HLF: variants seen among roughly 807,000 people sequenced by gnomAD.
HLF encodes the protein hepatic leukemia factor.
Under a neutral mutation model 22.6 loss-of-function variants are expected in HLF, and 3 were observed. That is an observed-to-expected ratio of 0.13 (90% CI 0.06 to 0.34). HLF has a LOEUF of 0.34. Among genes scored for constraint, HLF ranks in the 10% least tolerant of loss-of-function variants. The pLI is 1.00. For synonymous variants in HLF, 151 were observed against 151.8 expected, an observed-to-expected ratio of 0.99 and a Z score of 0.04; for missense variants, 299 against 389.2, an observed-to-expected ratio of 0.77 and a Z score of 1.95.
chr17:55,291,728 T>C (rs1483084660), intron 2 of HLF, among the ~76,000 whole-genome samples: 2 of 152,256 alleles, frequency 1.3e-5, no homozygotes, highest in African/African-American at 4.8e-5. Flanking sequence ...CTGCCATTGA[T>C]AGTGATTCCT....
intron 2 of HLF, among the ~76,000 whole-genome samples, chr17:55,292,572 T>G (rs1441836262): frequency 6.6e-6 from 1 of 152,218 alleles, no homozygotes; most frequent in African/African-American, 2.4e-5. Flanking sequence ...TGATGTGACT[T>G]GCTTTATTGG....
Position 55,267,788 on chromosome 17 carries a change from T to C in HLF, c.153T>C (p.Asp51=), listed in dbSNP as rs1321023256. ...SKDKDKEKKL[D]DESNSPTVPQ... is the part of the protein sequence containing the mutation. ...ATAAAGACAAGGAAAAGAAGCTGGATGATGAGAGTAACAGCCCGACGGTCC... is the reference window on the plus strand; with the variant it reads ...ATAAAGACAAGGAAAAGAAGCTGGACGATGAGAGTAACAGCCCGACGGTCC... Residue 51 remains aspartate, a synonymous_variant, in exon 2 of 4, where the codon GAT becomes GAC. Coordinates refer to ENST00000226067, the MANE Select transcript of HLF (RefSeq NM_002126.5). 3 of 1,599,042 alleles carry C rather than the reference T, an allele frequency of 1.9e-6. No individual in the cohort carries two copies. Among genetic ancestry groups the C allele is most frequent in the Admixed American group, 3.4e-5 (2 of 59,538 alleles).
At chr17:55,313,355 T>TGC (rs1904923515) in intron 2 of HLF, among the ~76,000 whole-genome samples, 1 of 128,426 alleles carries the variant, frequency 7.8e-6, no homozygotes, top group African/African-American at 2.8e-5. Context: ...GGAGGAGGTG[T>TGC]GTGCGTGTGT....
chr17:55,311,187 A>G (rs562043306), intron 2 of HLF, among the ~76,000 whole-genome samples: 20 of 152,314 alleles, frequency 1.3e-4, no homozygotes, highest in African/African-American at 4.8e-4. Flanking sequence ...AAAAAGAACA[A>G]ATAACCAATA....
Position 55,302,882 on chromosome 17 carries a change from G to A in HLF, c.452-12345G>A, listed in dbSNP as rs536329860. On this transcript the variant is annotated intron_variant, in intron 2 of 3. Coordinates refer to ENST00000226067, the MANE Select transcript of HLF (RefSeq NM_002126.5). ...AGAACTTGTTTCTCTGCTGGAGAAG[G>A]TAGCCCATCCTAGGGGGACCGAGGT... Among the ~76,000 whole-genome samples the A allele has an allele frequency of 7.0e-4, 106 of 152,284 alleles. 1 individual carries two copies. The highest frequency in any genetic ancestry group is 2.7e-3 in the South Asian group (13 of 4,826).
At chr17:55,281,463 A>T (rs1267933072) in intron 2 of HLF, among the ~76,000 whole-genome samples, 3 of 152,246 alleles carry the variant, frequency 2.0e-5, no homozygotes, top group Non-Finnish European at 4.4e-5. Flanking sequence ...CAGTGAGCCA[A>T]GATCGTGCCA....
Position 55,276,610 on chromosome 17 carries a change from C to T in HLF, c.451+8524C>T, listed in dbSNP as rs1370427280. 4.6e-5 allele frequency among the ~76,000 whole-genome samples: 7 copies of T among 152,210 alleles called. No homozygotes were observed. The South Asian group carries it at 1.2e-3, about 27-fold the overall frequency. On this transcript the variant is annotated intron_variant, in intron 2 of 3. Transcript: ENST00000226067. Reference sequence around the variant, plus strand: ...CCACAAAGTTATAGAGGCAGGAATGCCCACAGGGTGTTTTAGGCAACAGGG... The same window carrying T: ...CCACAAAGTTATAGAGGCAGGAATGTCCACAGGGTGTTTTAGGCAACAGGG...
chr17:55,277,889 G>A (rs1302699127), intron 2 of HLF, among the ~76,000 whole-genome samples: 1 of 152,114 alleles, frequency 6.6e-6, no homozygotes, highest in African/African-American at 2.4e-5. Flanking sequence ...ATTGGCTTGT[G>A]GTGGGTACAG....
intron 2 of HLF, among the ~76,000 whole-genome samples, chr17:55,289,751 C>A (rs1465978762): frequency 6.6e-6 from 1 of 152,112 alleles, no homozygotes; most frequent in Admixed American, 6.5e-5. Context: ...CTAGACATTG[C>A]AGATTCACTT....
chr17:55,274,431 A>G (rs2080886976), intron 2 of HLF, among the ~76,000 whole-genome samples: 1 of 152,346 alleles, frequency 6.6e-6, no homozygotes, highest in South Asian at 2.1e-4. Flanking sequence ...GCCCTCCCCC[A>G]GCAAATGTCT....
intron 2 of HLF, among the ~76,000 whole-genome samples, chr17:55,279,857 A>C (rs983377882): frequency 1.3e-5 from 2 of 151,930 alleles, no homozygotes; most frequent in African/African-American, 4.8e-5. Flanking sequence ...CTCAATTTTC[A>C]TATCTTTAAA....
intron 2 of HLF, among the ~76,000 whole-genome samples, chr17:55,268,320 T>G (rs1422513083): frequency 1.3e-5 from 2 of 152,176 alleles, no homozygotes; most frequent in African/African-American, 4.8e-5. Flanking sequence ...GAAATTCTGA[T>G]TTTGCAAGTC....
chr17:55,301,707 C>G (rs955904067), intron 2 of HLF, among the ~76,000 whole-genome samples: 5 of 152,170 alleles, frequency 3.3e-5, no homozygotes, highest in African/African-American at 1.2e-4. Context: ...ACAAAGATTT[C>G]AGACCAGGAG....
intron 2 of HLF, among the ~76,000 whole-genome samples, chr17:55,282,516 G>A (rs1356807475): frequency 6.6e-6 from 1 of 152,178 alleles, no homozygotes; most frequent in Non-Finnish European, 1.5e-5. Context: ...CTTTTAGGCG[G>A]CAAGAGATGG....
chr17:55,270,620 T>C (rs532037342), intron 2 of HLF, among the ~76,000 whole-genome samples: 18 of 152,244 alleles, frequency 1.2e-4, no homozygotes, highest in African/African-American at 4.3e-4. Flanking sequence ...TGATTGGTGT[T>C]TCTCAACCTT....
Position 55,321,014 on chromosome 17 carries a change from T to A in HLF, c.*135T>A. ...AACACAACTGACTCCCATTTTGGTG[T>A]GCATCTGTGTGTGTGTGCGTGTATA... is the stretch of plus-strand genomic sequence containing the variant. On this transcript the variant is annotated 3_prime_UTR_variant, in exon 4 of 4. Transcript: ENST00000226067. 1 of 679,164 alleles carries A rather than the reference T, an allele frequency of 1.5e-6. No homozygotes were observed. 42.1% of individuals were successfully genotyped at this position (679,164 alleles called of 1,614,324 possible). A position where few individuals can be genotyped will look rare whatever the true frequency, so the allele number is the denominator to read the frequency against.
intron 2 of HLF, among the ~76,000 whole-genome samples, chr17:55,290,663 T>G (rs1472885602): frequency 6.6e-6 from 1 of 152,184 alleles, no homozygotes; most frequent in African/African-American, 2.4e-5. Flanking sequence ...GGCCAATTAA[T>G]AACCCTATAA....
chr17:55,279,129 G>A (rs552079864), intron 2 of HLF, among the ~76,000 whole-genome samples: 7 of 152,216 alleles, frequency 4.6e-5, no homozygotes, highest in Middle Eastern at 6.8e-3. Context: ...AATGGGCAGT[G>A]ACAACTAAAT....
At position 55,304,302 on chromosome 17, in the gene HLF, G is replaced by A. The variant is rs558196572; in HGVS notation, c.452-10925G>A. Among the ~76,000 whole-genome samples the A allele has an allele frequency of 3.3e-5, 5 of 152,264 alleles. No individual in the cohort carries two copies. In the East Asian group the frequency reaches 5.8e-4, roughly 18 times the overall value. On this transcript the variant is annotated intron_variant, in intron 2 of 3. Coordinates refer to ENST00000226067, the MANE Select transcript of HLF (RefSeq NM_002126.5). ...CCCACATGTCTGGGGAGAGGCTCCCGGCCCAGGGAGGAGGAGGTGGAAGGT... is the reference window on the plus strand; with the variant it reads ...CCCACATGTCTGGGGAGAGGCTCCCAGCCCAGGGAGGAGGAGGTGGAAGGT...
Sources: allele counts gnomAD v4.1 joint callset (sites outside exome capture counted in the v4.1 genomes callset), GRCh38; gene constraint gnomAD v4.1.1; transcripts MANE v1.5; gene names NCBI Gene and HGNC (gene_info 2026-07-23, HGNC 2026-07-21).